The following SOAT1 variants were observed in gnomAD, a reference collection of about 807,000 sequenced individuals.
SOAT1 encodes the protein acyl-coenzyme A:cholesterol acyltransferase 1.
In SOAT1, 55 loss-of-function variants were observed where a neutral mutation model predicts 69.5. The observed-to-expected ratio is 0.79, with a 90% CI of 0.64 to 0.99. The LOEUF (loss-of-function observed/expected upper bound fraction) is 0.99. Among genes scored for constraint, SOAT1 ranks in the 50% least tolerant of loss-of-function variants. The pLI is 0.00. For synonymous variants in SOAT1, 231 were observed against 224.7 expected (o/e 1.03, Z -0.25); for missense variants, 580 against 669.3 (o/e 0.87, Z 1.47).
Position 179,345,069 on chromosome 1 carries a change from C to A in SOAT1, c.1110C>A (p.Ile370=), listed in dbSNP as rs1666478664. ...TGGTCCTATGTGTATTTAACTCCAT[C>A]TTGCCAGGTAACATGGGTACTTGTT... ...RVLVLCVFNS[I]LPGVLILFLT... Residue 370 remains isoleucine, a synonymous_variant, in exon 11 of 16, where the codon ATC becomes ATA. Coordinates refer to ENST00000367619, the MANE Select transcript of SOAT1 (RefSeq NM_003101.6). 1 of 1,613,846 alleles carries A rather than the reference C, an allele frequency of 6.2e-7. No homozygotes were observed. Among genetic ancestry groups the A allele is most frequent in the African/African-American group, 1.3e-5 (1 of 74,926 alleles).
At chr1:179,342,651 T>A (rs1666381627) in intron 8 of SOAT1, among the ~76,000 whole-genome samples, 2 of 152,208 alleles carry the variant, frequency 1.3e-5, no homozygotes. Flanking sequence ...CTCTAGAAGT[T>A]ATCTCAGTCA....
chr1:179,345,049 C>T lies in SOAT1; in HGVS notation c.1090C>T (p.Leu364=). Residue 364 remains leucine, a synonymous_variant, in exon 11 of 16, where the codon CTA becomes TTA. Coordinates refer to ENST00000367619, the MANE Select transcript of SOAT1 (RefSeq NM_003101.6). The stretch of plus-strand genomic sequence containing the variant: ...GCCCTTCAGCGCTCGTGTTCTGGTC[C>T]TATGTGTATTTAACTCCATCTTGCC... ...QEPFSARVLV[L]CVFNSILPGV... 1 of 1,614,102 alleles carries T rather than the reference C, an allele frequency of 6.2e-7. No individual in the cohort carries two copies. The highest frequency in any genetic ancestry group is 8.5e-7 in the Non-Finnish European group (1 of 1,179,992).
chr1:179,328,101 T>G (rs980097677), intron 3 of SOAT1, among the ~76,000 whole-genome samples: 3 of 152,194 alleles, frequency 2.0e-5, no homozygotes, highest in Admixed American at 1.3e-4. Flanking sequence ...TTGCTTTTGT[T>G]GTTGTTGTTT....
At chr1:179,298,975 C>T (rs904712416) in intron 1 of SOAT1, among the ~76,000 whole-genome samples, 1 of 152,154 alleles carries the variant, frequency 6.6e-6, no homozygotes, top group Admixed American at 6.5e-5. Flanking sequence ...CTGTTGTACT[C>T]CAGGTACTCC....
chr1:179,294,689 G>T (rs527526227), intron 1 of SOAT1, among the ~76,000 whole-genome samples: 32 of 152,214 alleles, frequency 2.1e-4, no homozygotes, highest in Middle Eastern at 3.4e-3. Flanking sequence ...GCGCCACCAC[G>T]CCCAGGTAAT....
intron 2 of SOAT1, among the ~76,000 whole-genome samples, chr1:179,321,531 C>T (rs1360241607): frequency 6.6e-6 from 1 of 152,144 alleles, no homozygotes; most frequent in African/African-American, 2.4e-5. Flanking sequence ...ATGATTTCCT[C>T]CATTATAGTC....
chr1:179,349,044 T>C, intron 13 of SOAT1, 102 bp downstream of exon 13: 1 of 705,334 alleles, frequency 1.4e-6, no homozygotes, highest in Non-Finnish European at 2.5e-6. Context: ...TAATTGCTCA[T>C]GAGGAAAGGG....
chr1:179,314,499 G>T (rs1180795600), intron 2 of SOAT1, among the ~76,000 whole-genome samples: 2 of 152,122 alleles, frequency 1.3e-5, no homozygotes, highest in South Asian at 2.1e-4. Flanking sequence ...CCACATTTCC[G>T]TTTTTGCTAA....
intron 3 of SOAT1, among the ~76,000 whole-genome samples, chr1:179,329,346 A>T (rs763164283): frequency 3.3e-5 from 5 of 152,016 alleles, no homozygotes; most frequent in Non-Finnish European, 5.9e-5. Context: ...TCTCAAAAAA[A>T]TAAATTAAAA....
At chr1:179,320,639 A>T (rs944666156) in intron 2 of SOAT1, among the ~76,000 whole-genome samples, 1 of 152,122 alleles carries the variant, frequency 6.6e-6, no homozygotes, top group East Asian at 1.9e-4. Flanking sequence ...ATGTCTTTAG[A>T]CTTATTTAGT....
intron 1 of SOAT1, among the ~76,000 whole-genome samples, chr1:179,300,629 T>C (rs1326555444): frequency 6.6e-6 from 1 of 152,204 alleles, no homozygotes; most frequent in Non-Finnish European, 1.5e-5. Context: ...TATTTCATCC[T>C]TTTATACAGA....
chr1:179,341,438 C>T, intron 7 of SOAT1, 128 bp downstream of exon 7: 1 of 937,794 alleles, frequency 1.1e-6, no homozygotes, highest in Non-Finnish European at 1.6e-6. Context: ...TGTTCTTTTG[C>T]CATTATCTGT....
At chr1:179,351,965 A>G (rs1423934509) in intron 15 of SOAT1, among the ~76,000 whole-genome samples, 1 of 151,068 alleles carries the variant, frequency 6.6e-6, no homozygotes, top group Non-Finnish European at 1.5e-5. Flanking sequence ...TGATCCGCCC[A>G]CCTCGGCCTC....
chr1:179,302,712 A>G lies in SOAT1; in HGVS notation c.28A>G (p.Arg10Gly), dbSNP rs1664873908. Residue 10 changes from arginine (R) to glycine (G), a missense_variant, in exon 2 of 16, where the codon AGA (arginine) becomes GGA (glycine). By Grantham distance (125) the Arg-to-Gly change is moderately radical. Coordinates refer to ENST00000367619, the MANE Select transcript of SOAT1 (RefSeq NM_003101.6). ...GGTGGGTGAAGAGAAGATGTCTCTA[A>G]GAAACCGGCTGTCAAAGTCCAGGGA... MVGEEKMSL[R>G]NRLSKSRENP... 1.2e-6 allele frequency: 2 copies of G among 1,605,710 alleles called. No individual in the cohort carries two copies. Among genetic ancestry groups the G allele is most frequent in the Non-Finnish European group, 1.7e-6 (2 of 1,177,990 alleles).
At chr1:179,308,837 T>C (rs1665120063) in intron 2 of SOAT1, among the ~76,000 whole-genome samples, 1 of 152,112 alleles carries the variant, frequency 6.6e-6, no homozygotes, top group African/African-American at 2.4e-5. Context: ...TGTGGGATCA[T>C]ATTTGAGATC....
chr1:179,316,773 C>T (rs1665410936), intron 2 of SOAT1, among the ~76,000 whole-genome samples: 1 of 152,182 alleles, frequency 6.6e-6, no homozygotes, highest in Non-Finnish European at 1.5e-5. Context: ...GGCCAATTCT[C>T]AGCTATAATC....
chr1:179,333,867 A>T (rs1666058155), intron 3 of SOAT1, among the ~76,000 whole-genome samples: 1 of 151,536 alleles, frequency 6.6e-6, no homozygotes, highest in Non-Finnish European at 1.5e-5. Context: ...GGAAGAACTC[A>T]TTTTTTGTCA....
intron 8 of SOAT1, 88 bp from the exon 9 acceptor site, chr1:179,342,774 C>G (rs1666385194): frequency 2.2e-6 from 2 of 895,834 alleles, no homozygotes; most frequent in Admixed American, 3.7e-5. Context: ...TTATTCTTCC[C>G]TGTTCTGTGC....
At chr1:179,311,877 G>C (rs1665232238) in intron 2 of SOAT1, among the ~76,000 whole-genome samples, 1 of 152,134 alleles carries the variant, frequency 6.6e-6, no homozygotes, top group Admixed American at 6.5e-5. Flanking sequence ...CAATATAATT[G>C]ACTCAGTGGG....
Sources: allele counts gnomAD v4.1 joint callset (sites outside exome capture counted in the v4.1 genomes callset), GRCh38; gene constraint gnomAD v4.1.1; transcripts MANE v1.5; gene names NCBI Gene and HGNC (gene_info 2026-07-23, HGNC 2026-07-21).